STAG1: variants seen among roughly 807,000 people sequenced by gnomAD.
The protein encoded by STAG1 is cohesin subunit SA-1.
STAG1 carries 26 observed loss-of-function variants against 170.9 expected under a neutral mutation model. The observed-to-expected ratio is 0.15, with a 90% CI of 0.11 to 0.21. STAG1 has a LOEUF of 0.21. STAG1 is among the 10% of genes least tolerant of loss of function. The pLI, the probability that STAG1 is intolerant of heterozygous loss-of-function variation, is 1.00. For synonymous variants in STAG1, 514 were observed against 497.7 expected (o/e 1.03, Z -0.44); for missense variants, 964 against 1,509.5 (o/e 0.64, Z 5.99).
chr3:136,704,308 C>T (rs1943164771), intron 1 of STAG1, among the ~76,000 whole-genome samples: 1 of 151,854 alleles, frequency 6.6e-6, no homozygotes, highest in South Asian at 2.1e-4. Context: ...GACTTGGCCT[C>T]CCAAAGTACT....
chr3:136,484,965 T>C (rs1385911423), intron 9 of STAG1, among the ~76,000 whole-genome samples: 3 of 152,134 alleles, frequency 2.0e-5, no homozygotes, highest in Non-Finnish European at 2.9e-5. Context: ...CACTGGCCTG[T>C]GCCCACTGTC....
At position 136,337,782 on chromosome 3, in the gene STAG1, C is replaced by T. The variant is rs1478281624; in HGVS notation, c.*472G>A. The T allele has an allele frequency of 6.5e-6, 1 of 153,030 alleles. No individual in the cohort carries two copies. The allele number at this position is 153,030 out of a possible 1,614,324, so 9.5% of individuals were successfully genotyped here. A position where few individuals can be genotyped will look rare whatever the true frequency, so the allele number is the denominator to read the frequency against. ...CACTCTTCGCAATTAGGATGAGCTG[C>T]TTACTCATAGGTTTAATAAAAATGG... is the stretch of plus-strand genomic sequence containing the variant. On this transcript the variant is annotated 3_prime_UTR_variant, in exon 34 of 34. Transcript: ENST00000383202.
chr3:136,432,366 C>T (rs918919089), intron 16 of STAG1, among the ~76,000 whole-genome samples: 1 of 152,126 alleles, frequency 6.6e-6, no homozygotes, highest in Non-Finnish European at 1.5e-5. Context: ...ACATATAGCC[C>T]TACTGAGAAG....
intron 1 of STAG1, among the ~76,000 whole-genome samples, chr3:136,719,471 G>T (rs1170795419): frequency 6.6e-6 from 1 of 151,830 alleles, no homozygotes; most frequent in Non-Finnish European, 1.5e-5. Flanking sequence ...TCACTGAATT[G>T]TACACTTAAA....
intron 1 of STAG1, among the ~76,000 whole-genome samples, chr3:136,697,283 A>C (rs112688820): frequency 1.2e-3 from 176 of 152,338 alleles, no homozygotes; most frequent in African/African-American, 2.5e-3. Flanking sequence ...TTAAGCAGGT[A>C]GTTCCCAATC....
At chr3:136,722,153 G>T (rs2107930297) in intron 1 of STAG1, among the ~76,000 whole-genome samples, 1 of 152,072 alleles carries the variant, frequency 6.6e-6, no homozygotes. Flanking sequence ...AGCCCAGGAA[G>T]TTGAGGCTGC....
intron 1 of STAG1, among the ~76,000 whole-genome samples, chr3:136,681,876 A>G (rs1021258753): frequency 5.3e-5 from 8 of 152,192 alleles, no homozygotes; most frequent in Admixed American, 1.3e-4. Flanking sequence ...AATTTTTTCA[A>G]TATAACAAAG....
intron 4 of STAG1, among the ~76,000 whole-genome samples, chr3:136,588,355 A>G (rs972829475): frequency 6.6e-6 from 1 of 151,910 alleles, no homozygotes; most frequent in African/African-American, 2.4e-5. Flanking sequence ...TTTTGTTTTG[A>G]GATGGAGTTT....
intron 11 of STAG1, among the ~76,000 whole-genome samples, chr3:136,472,763 C>T (rs1399494756): frequency 6.6e-6 from 1 of 152,126 alleles, no homozygotes; most frequent in African/African-American, 2.4e-5. Flanking sequence ...TTATAACAAG[C>T]TGTAAAGAAA....
chr3:136,385,889 A>G (rs2086860355), intron 22 of STAG1, among the ~76,000 whole-genome samples: 1 of 152,018 alleles, frequency 6.6e-6, no homozygotes, highest in Admixed American at 6.6e-5. Context: ...TTTTGTAGAG[A>G]CAAGGTCTTG....
At chr3:136,621,177 A>G (rs1939833677) in intron 3 of STAG1, among the ~76,000 whole-genome samples, 1 of 152,204 alleles carries the variant, frequency 6.6e-6, no homozygotes. Flanking sequence ...CTGTACACAC[A>G]TAAAACTTAA....
chr3:136,536,145 T>A (rs1441105758), intron 6 of STAG1, among the ~76,000 whole-genome samples: 1 of 152,138 alleles, frequency 6.6e-6, no homozygotes, highest in Non-Finnish European at 1.5e-5. Context: ...TTCATGAGTA[T>A]CTCATTTAAG....
chr3:136,438,036 C>T (rs2088508636), intron 15 of STAG1, among the ~76,000 whole-genome samples: 1 of 152,096 alleles, frequency 6.6e-6, no homozygotes, highest in Non-Finnish European at 1.5e-5. Flanking sequence ...GAGATAAGTT[C>T]ACTTATAAAC....
chr3:136,679,877 G>C (rs1469418584), intron 1 of STAG1, among the ~76,000 whole-genome samples: 2 of 151,964 alleles, frequency 1.3e-5, no homozygotes, highest in East Asian at 3.9e-4. Context: ...ACTCCAGCCT[G>C]AGCGACAGAG....
intron 1 of STAG1, among the ~76,000 whole-genome samples, chr3:136,732,367 G>A (rs1934092383): frequency 6.6e-6 from 1 of 151,638 alleles, no homozygotes; most frequent in South Asian, 2.1e-4. Context: ...TTGGTTTCAT[G>A]CCTAACCTTC....
chr3:136,658,125 G>A (rs1941456680), intron 1 of STAG1, among the ~76,000 whole-genome samples: 1 of 150,688 alleles, frequency 6.6e-6, no homozygotes, highest in Non-Finnish European at 1.5e-5. Context: ...AGCAGTTCCA[G>A]GTTACACTGA....
intron 12 of STAG1, among the ~76,000 whole-genome samples, chr3:136,467,226 G>C (rs555578868): frequency 2.0e-5 from 3 of 152,096 alleles, no homozygotes; most frequent in Non-Finnish European, 4.4e-5. Flanking sequence ...ATTGGATAAA[G>C]AGTCAAGACC....
At chr3:136,730,345 T>C (rs915992660) in intron 1 of STAG1, among the ~76,000 whole-genome samples, 1 of 152,178 alleles carries the variant, frequency 6.6e-6, no homozygotes, top group African/African-American at 2.4e-5. Context: ...TATTTTGCCA[T>C]CCAAATTCAA....
Position 136,532,785 on chromosome 3 carries a change from T to C in STAG1, c.471+9334A>G, listed in dbSNP as rs1309662079. ...ATATACCTCAAAATAACAAAGTTCA[T>C]ACATGACAAACTCACAGGTAACATC... On this transcript the variant is annotated intron_variant, in intron 6 of 33. Transcript: ENST00000383202. Among the ~76,000 whole-genome samples the C allele has an allele frequency of 7.9e-5, 12 of 152,304 alleles. 1 individual carries two copies. The South Asian group carries it at 1.7e-3, about 21-fold the overall frequency.
Sources: allele counts gnomAD v4.1 joint callset (sites outside exome capture counted in the v4.1 genomes callset), GRCh38; gene constraint gnomAD v4.1.1; transcripts MANE v1.5; gene names NCBI Gene and HGNC (gene_info 2026-07-23, HGNC 2026-07-21).